Variants in ANKRD36 observed in about 807,000 individuals in gnomAD.
ANKRD36 encodes ankyrin repeat domain 36, also known as ankyrin repeat domain-containing protein 36A.
Under a neutral mutation model 278.1 loss-of-function variants are expected in ANKRD36, and 179 were observed. That is an observed-to-expected ratio of 0.64 (90% confidence interval 0.57 to 0.73). The LOEUF (loss-of-function observed/expected upper bound fraction) is 0.73. ANKRD36 is among the 30% of genes least tolerant of loss of function. The pLI is 0.00. For synonymous variants in ANKRD36, 320 were observed against 641.1 expected, an observed-to-expected ratio of 0.50 and a Z score of 7.57; for missense variants, 1,159 against 1,956.7, an observed-to-expected ratio of 0.59 and a Z score of 7.69.
rs2034064620 is a variant in ANKRD36 at position 97,113,243 on chromosome 2, C to T, written c.-497C>T. ...TCCCGTCCTCCCGCCTCGCACCCAT[C>T]AGCGCGGACCCCGGGGGCGACGCAG... On this transcript the variant is annotated 5_prime_UTR_variant, in exon 1 of 76. Coordinates refer to ENST00000420699, the MANE Select transcript of ANKRD36 (RefSeq NM_001354587.1). 6.6e-6 allele frequency among the ~76,000 whole-genome samples: 1 copy of T among 152,160 alleles called. No homozygotes were observed. The highest frequency in any genetic ancestry group is 2.4e-5 in the African/African-American group (1 of 41,458).
intron 52 of ANKRD36, 66 bp downstream of exon 52, chr2:97,206,201 TA>T: frequency 7.0e-7 from 1 of 1,430,116 alleles, no homozygotes. Context: ...CTTCCCCAAG[TA>T]AATCAGCGGG....
chr2:97,200,495 G>GA lies in ANKRD36; in HGVS notation c.2834dup (p.Asp946GlyfsTer6). The GA allele has an allele frequency of 1.3e-6, 2 of 1,575,918 alleles. No individual in the cohort carries two copies. Among genetic ancestry groups the GA allele is most frequent in the East Asian group, 2.3e-5 (1 of 43,054 alleles). On this transcript the variant is annotated frameshift_variant, in exon 46 of 76. Coordinates refer to ENST00000420699, the MANE Select transcript of ANKRD36 (RefSeq NM_001354587.1). LOFTEE classifies it high-confidence loss of function. ...GGATTCTTTTTCGAATATAACCAGA[G>GA]AAAAAAAGGATGGAGAAATATCTAG...
intron 6 of ANKRD36, among the ~76,000 whole-genome samples, chr2:97,130,675 A>C (rs1053703320): frequency 6.6e-5 from 10 of 151,648 alleles, no homozygotes; most frequent in Admixed American, 6.6e-4. Context: ...ATATAAGGTG[A>C]TATGCTAAGT....
At chr2:97,205,358 G>A (rs2062556282) in intron 50 of ANKRD36, among the ~76,000 whole-genome samples, 1 of 151,538 alleles carries the variant, frequency 6.6e-6, no homozygotes, top group Non-Finnish European at 1.5e-5. Flanking sequence ...CACCACATGG[G>A]TGTGAGAGAT....
intron 22 of ANKRD36, among the ~76,000 whole-genome samples, chr2:97,175,487 T>G (rs1237744838): frequency 1.3e-5 from 2 of 151,962 alleles, no homozygotes; most frequent in Non-Finnish European, 2.9e-5. Flanking sequence ...TTATCATTTT[T>G]TATTGCGTCT....
chr2:97,125,235 C>T (rs2038245426), intron 5 of ANKRD36, among the ~76,000 whole-genome samples: 1 of 151,676 alleles, frequency 6.6e-6, no homozygotes, highest in Non-Finnish European at 1.5e-5. Context: ...CCTCAATCTT[C>T]ATGTTGATCC....
rs1265357089 is a variant in ANKRD36 at position 97,182,788 on chromosome 2, T to G, written c.1838-671T>G. Among the ~76,000 whole-genome samples the G allele has an allele frequency of 2.6e-5, 4 of 151,630 alleles. 1 individual carries two copies. The South Asian group carries it at 8.4e-4, about 32-fold the overall frequency. ...ACTTTTTGATAAGGTTTATGTATTATATTTGTTGCCATGAGTGGATGAAGA... is the reference window on the plus strand; with the variant it reads ...ACTTTTTGATAAGGTTTATGTATTAGATTTGTTGCCATGAGTGGATGAAGA... On this transcript the variant is annotated intron_variant, in intron 26 of 75. Coordinates refer to ENST00000420699, the MANE Select transcript of ANKRD36 (RefSeq NM_001354587.1).
chr2:97,180,643 T>C (rs1042808125), intron 24 of ANKRD36, among the ~76,000 whole-genome samples: 3 of 151,652 alleles, frequency 2.0e-5, no homozygotes, highest in African/African-American at 7.3e-5. Context: ...ACTTTACTTA[T>C]AAAAATGAGA....
Position 97,222,997 on chromosome 2 carries a change from C to T in ANKRD36, c.3878-1809C>T, listed in dbSNP as rs114935645. ...TAACAAAACCAAAATAATCAGTGAA[C>T]GTTGCACTGATTTTGAAGTATAAAA... On this transcript the variant is annotated intron_variant, in intron 66 of 75. Transcript: ENST00000420699. Among the ~76,000 whole-genome samples the T allele has an allele frequency of 3.5e-3, 536 of 151,880 alleles. 5 individuals are homozygous for T. The highest frequency in any genetic ancestry group is 0.011 in the African/African-American group (450 of 41,402).
intron 48 of ANKRD36, among the ~76,000 whole-genome samples, chr2:97,203,862 A>T (rs577767629): frequency 1.3e-5 from 2 of 151,920 alleles, no homozygotes; most frequent in East Asian, 3.9e-4. Context: ...CCATGTTTGA[A>T]ATTCTAAGAC....
chr2:97,201,203 A>T (rs1184237824), intron 46 of ANKRD36, among the ~76,000 whole-genome samples: 1 of 151,912 alleles, frequency 6.6e-6, no homozygotes, highest in Non-Finnish European at 1.5e-5. Context: ...TAGGCATCAG[A>T]GATACATCTT....
intron 17 of ANKRD36, 151 bp from the exon 18 acceptor site, chr2:97,161,948 T>C: frequency 1.8e-6 from 1 of 547,386 alleles, no homozygotes; most frequent in Non-Finnish European, 2.7e-6. Flanking sequence ...TTTCACTTGA[T>C]AAATAAATAA....
At chr2:97,185,105 C>A (rs924791333) in intron 28 of ANKRD36, among the ~76,000 whole-genome samples, 1 of 151,670 alleles carries the variant, frequency 6.6e-6, no homozygotes, top group Non-Finnish European at 1.5e-5. Flanking sequence ...AAAAATCATA[C>A]CATGATTGAC....
At chr2:97,143,611 G>A (rs1280626096) in intron 8 of ANKRD36, among the ~76,000 whole-genome samples, 1 of 152,058 alleles carries the variant, frequency 6.6e-6, no homozygotes, top group Non-Finnish European at 1.5e-5. Context: ...GGATAAAATA[G>A]CAATTTAATG....
chr2:97,142,582 T>C (rs2043177716), intron 6 of ANKRD36, 58 bp from the exon 7 acceptor site: 25 of 1,603,458 alleles, frequency 1.6e-5, no homozygotes, highest in Middle Eastern at 2.2e-4. Context: ...TGCATGAATG[T>C]ATGGATAATT....
Position 97,154,540 on chromosome 2 carries a change from A to G in ANKRD36, c.1194-135A>G, listed in dbSNP as rs540640670. ...ATTATACCAAGAAATATTATTTAAT[A>G]TGCAGATAACTGAGTTTCCTCAGAC... On this transcript the variant is annotated intron_variant, in intron 14 of 75. Transcript: ENST00000420699. The G allele has an allele frequency of 4.0e-5, 25 of 619,932 alleles. No individual in the cohort carries two copies. In the African/African-American group the frequency reaches 4.2e-4, roughly 10 times the overall value. The allele number at this position is 619,932 out of a possible 1,614,324, so 38.4% of individuals were successfully genotyped here. A position where few individuals can be genotyped will look rare whatever the true frequency, so the allele number is the denominator to read the frequency against.
intron 50 of ANKRD36, among the ~76,000 whole-genome samples, chr2:97,205,337 G>C (rs1188435158): frequency 6.6e-6 from 1 of 151,574 alleles, no homozygotes; most frequent in Non-Finnish European, 1.5e-5. Context: ...AGAAAGTTAA[G>C]CAAATTATTA....
At chr2:97,175,684 TCTTG>T (rs1239752140) in intron 22 of ANKRD36, among the ~76,000 whole-genome samples, 1 of 150,944 alleles carries the variant, frequency 6.6e-6, no homozygotes, top group Non-Finnish European at 1.5e-5. Context: ...ATGTGTTTGC[TCTTG>T]CTTTTCTAGT....
chr2:97,231,083 G>A (rs1006748119), intron 67 of ANKRD36, among the ~76,000 whole-genome samples: 3 of 152,102 alleles, frequency 2.0e-5, no homozygotes, highest in African/African-American at 7.2e-5. Flanking sequence ...CTGCTCGGGG[G>A]TCAGTGGTCA....
Sources: gnomAD v4.1 joint callset for allele counts (sites outside exome capture counted in the v4.1 genomes callset) on GRCh38, gnomAD v4.1.1 for gene constraint, MANE v1.5 for transcripts, NCBI Gene and HGNC (gene_info 2026-07-23, HGNC 2026-07-21) for gene names.